The following DLG4 variants were observed in gnomAD, a reference collection of about 807,000 sequenced individuals.
DLG4 encodes discs large MAGUK scaffold protein 4.
In DLG4, 7 loss-of-function variants were observed where a neutral mutation model predicts 93.8. The observed-to-expected ratio is 0.07, with a 90% CI of 0.04 to 0.14. The LOEUF (loss-of-function observed/expected upper bound fraction) is 0.14, where lower values mean the gene tolerates loss of function less well. Ranked by LOEUF, DLG4 falls within the 10% of genes least tolerant of loss-of-function variation. The pLI, the probability that DLG4 is intolerant of heterozygous loss-of-function variation, is 1.00. For synonymous variants in DLG4, 341 were observed against 387.6 expected (o/e 0.88, Z 1.41); for missense variants, 545 against 992.9 (o/e 0.55, Z 6.06).
At chr17:7,204,352 T>A (rs2070341885) in intron 2 of DLG4, 100 bp from the exon 3 acceptor site, 1 of 1,206,510 alleles carries the variant, frequency 8.3e-7, no homozygotes, top group Non-Finnish European at 1.1e-6. Flanking sequence ...TTCAGCCTCT[T>A]AGCCAAGCCC....
intron 19 of DLG4, 123 bp from the exon 20 acceptor site, chr17:7,190,937 G>T (rs2069457425): frequency 3.9e-6 from 3 of 762,202 alleles, no homozygotes; most frequent in Admixed American, 2.5e-5. Context: ...TAAGTCCTGG[G>T]GCTGCACCCG....
intron 2 of DLG4, among the ~76,000 whole-genome samples, chr17:7,207,469 C>A (rs756159417): frequency 1.4e-3 from 211 of 152,138 alleles, no homozygotes; most frequent in Non-Finnish European, 2.0e-3. Flanking sequence ...AAGTCTCAGG[C>A]CAGACAGATG....
chr17:7,196,106 G>A lies in DLG4; in HGVS notation c.1301+114C>T. ...AACCCTGGCTGCGCCTCAGGCCTGGGGTGGGGAGCTAGAGCAGGCAGGGTG... is the reference window on the plus strand; with the variant it reads ...AACCCTGGCTGCGCCTCAGGCCTGGAGTGGGGAGCTAGAGCAGGCAGGGTG... On this transcript the variant is annotated intron_variant, in intron 11 of 19. Transcript: ENST00000399506. The surrounding 1 kb of genome is among the most constrained non-coding windows in gnomAD (Gnocchi z 8.3). 2.8e-6 allele frequency: 2 copies of A among 726,400 alleles called. No individual in the cohort carries two copies. Among genetic ancestry groups the A allele is most frequent in the South Asian group, 1.8e-5 (1 of 56,352 alleles). 45.0% of individuals were successfully genotyped at this position (726,400 alleles called of 1,614,324 possible).
upstream of DLG4, chr17:7,218,301 G>C (rs1199981793): frequency 6.2e-7 from 1 of 1,604,606 alleles, no homozygotes; most frequent in East Asian, 2.3e-5. Context: ...GAACAGAACT[G>C]AGTTACCTCC....
Position 7,194,129 on chromosome 17 carries a change from G to C in DLG4, c.1479-129C>G. The C allele has an allele frequency of 7.3e-7, 1 of 1,362,582 alleles. No homozygotes were observed. The highest frequency in any genetic ancestry group is 1.0e-6 in the Non-Finnish European group (1 of 997,630). 84.4% of individuals were successfully genotyped at this position (1,362,582 alleles called of 1,614,324 possible). ...TGACACCCCTTCTCCTGCAGCCCTG[G>C]ACACTGTGCTCCTCAATAAGGAGTT... On this transcript the variant is annotated intron_variant, in intron 12 of 19. Transcript: ENST00000399506. This position sits in a 1 kb window ranked among gnomAD's most constrained non-coding sequence, Gnocchi z 4.4.
chr17:7,192,082 GGGGAGAGGTGGGGAAT>G, intron 17 of DLG4, 80 bp from the exon 18 acceptor site: 1 of 734,654 alleles, frequency 1.4e-6, no homozygotes, highest in Non-Finnish European at 2.1e-6. Context: ...GGACACGGAC[GGGGAGAGGTGGGGAAT>G]GGGAAGTTGG....
chr17:7,208,278 GTGCCTC>G lies in DLG4; in HGVS notation c.31-45_31-40del. On this transcript the variant is annotated intron_variant, in intron 1 of 19. Transcript: ENST00000399506. This position sits in a 1 kb window ranked among gnomAD's most constrained non-coding sequence, Gnocchi z 5.4. ...CGGAGGTGTCACTGGGGCCAGCCCG[GTGCCTC>G]AGGCTCCAGGCTGGCCGCCCTGGCC... 7.6e-7 allele frequency: 1 copy of G among 1,309,530 alleles called. No individual in the cohort carries two copies. Among genetic ancestry groups the G allele is most frequent in the Non-Finnish European group, 9.8e-7 (1 of 1,020,618 alleles). 81.1% of individuals were successfully genotyped at this position (1,309,530 alleles called of 1,614,324 possible). A position where few individuals can be genotyped will look rare whatever the true frequency, so the allele number is the denominator to read the frequency against.
chr17:7,194,053 C>T lies in DLG4; in HGVS notation c.1479-53G>A, dbSNP rs1485858294. ...GTAGGGGAATGCCTACCCCCTGCCA[C>T]CCCCATGCTCTGAGCCAGCTGACAA... On this transcript the variant is annotated intron_variant, in intron 12 of 19. Coordinates refer to ENST00000399506, the MANE Select transcript of DLG4 (RefSeq NM_001321075.3). The surrounding 1 kb of genome is among the most constrained non-coding windows in gnomAD (Gnocchi z 4.4). The T allele has an allele frequency of 1.3e-6, 2 of 1,596,416 alleles. No homozygotes were observed. The highest frequency in any genetic ancestry group is 1.7e-5 in the Admixed American group (1 of 57,418).
intron 2 of DLG4, chr17:7,205,099 G>A: frequency 1.0e-6 from 1 of 985,606 alleles, no homozygotes. Context: ...GGGCTGAAGA[G>A]GTTTGTGGGC....
chr17:7,200,039 GC>G (rs1034235717), intron 8 of DLG4, among the ~76,000 whole-genome samples: 1 of 151,574 alleles, frequency 6.6e-6, no homozygotes, highest in African/African-American at 2.4e-5. Context: ...CTTCCAAGGA[GC>G]CCAGGTTCCT....
Position 7,191,283 on chromosome 17 carries a change from G to A in DLG4, c.2052C>T (p.Phe684=), listed in dbSNP as rs866317617. 1 of 1,613,934 alleles carries A rather than the reference G, an allele frequency of 6.2e-7. No homozygotes were observed. Among genetic ancestry groups the A allele is most frequent in the Non-Finnish European group, 8.5e-7 (1 of 1,179,858 alleles). The change falls in exon 19 of 20, where the codon TTC becomes TTT. Residue 684 remains phenylalanine, a synonymous_variant. Coordinates refer to ENST00000399506, the MANE Select transcript of DLG4 (RefSeq NM_001321075.3). This position sits in a 1 kb window ranked among gnomAD's most constrained non-coding sequence, Gnocchi z 6.6. ...FDRATKLEQE[F]TECFSAIVEG... is the part of the protein sequence containing the mutation. Reference sequence around the variant, plus strand: ...TGGCCTCACCTGAGAAGCACTCTGTGAACTCCTGCTCCAGCTTGGTGGCTC... The same window carrying A: ...TGGCCTCACCTGAGAAGCACTCTGTAAACTCCTGCTCCAGCTTGGTGGCTC...
Position 7,195,096 on chromosome 17 carries a change from G to A in DLG4, c.1302-601C>T, listed in dbSNP as rs1392490395. 6.6e-6 allele frequency among the ~76,000 whole-genome samples: 1 copy of A among 151,982 alleles called. No homozygotes were observed. The highest frequency in any genetic ancestry group is 2.4e-5 in the African/African-American group (1 of 41,376). The stretch of plus-strand genomic sequence containing the variant: ...CACACGCACATCATAAAGTCACAGG[G>A]GTAACCCTGAATCTGCCCAAATTCA... On this transcript the variant is annotated intron_variant, in intron 11 of 19. Transcript: ENST00000399506. The surrounding 1 kb of genome is among the most constrained non-coding windows in gnomAD (Gnocchi z 4.3).
chr17:7,211,898 C>G (rs2070732081), intron 1 of DLG4, among the ~76,000 whole-genome samples: 1 of 149,214 alleles, frequency 6.7e-6, no homozygotes, highest in Non-Finnish European at 1.5e-5. Flanking sequence ...AGGGGAGACC[C>G]TCTTAGCCAC....
At chr17:7,204,350 CT>C in intron 2 of DLG4, 98 bp from the exon 3 acceptor site, 1 of 1,228,260 alleles carries the variant, frequency 8.1e-7, no homozygotes, top group Non-Finnish European at 1.1e-6. Context: ...CTTTCAGCCT[CT>C]TAGCCAAGCC....
upstream of DLG4, chr17:7,218,699 C>G (rs2071048998): frequency 6.5e-6 from 10 of 1,540,336 alleles, no homozygotes; most frequent in South Asian, 1.2e-4. Flanking sequence ...GATGAACACA[C>G]TGTCACTTCA....
chr17:7,207,451 A>T (rs2070518366), intron 2 of DLG4, among the ~76,000 whole-genome samples: 1 of 152,090 alleles, frequency 6.6e-6, no homozygotes, highest in Non-Finnish European at 1.5e-5. Context: ...GCAAGGCCCC[A>T]CCATGTGAAG....
At chr17:7,212,763 G>C (rs2070758989) in intron 1 of DLG4, among the ~76,000 whole-genome samples, 1 of 152,240 alleles carries the variant, frequency 6.6e-6, no homozygotes, top group South Asian at 2.1e-4. Flanking sequence ...GGCCTGGCAC[G>C]GTGGCTCACA....
intron 2 of DLG4, chr17:7,204,461 G>A (rs1431545358): frequency 3.7e-6 from 2 of 542,540 alleles, no homozygotes; most frequent in Non-Finnish European, 3.2e-6. Flanking sequence ...ACGCACAGAT[G>A]CACACGCGCA....
chr17:7,219,897 G>A, upstream of DLG4: 1 of 1,550,436 alleles, frequency 6.4e-7, no homozygotes, highest in Non-Finnish European at 8.7e-7. Flanking sequence ...TGGACGATGA[G>A]TCAGGGTTAG....
Sources: gnomAD v4.1 joint callset for allele counts (sites outside exome capture counted in the v4.1 genomes callset) on GRCh38, gnomAD v4.1.1 for gene constraint, Gnocchi (gnomAD v3.1) non-coding constraint, MANE v1.5 for transcripts, NCBI Gene and HGNC (gene_info 2026-07-23, HGNC 2026-07-21) for gene names.